The following VPS26C variants were observed in gnomAD, a reference collection of about 807,000 sequenced individuals.
VPS26C encodes VPS26 endosomal protein sorting factor C, also known as vacuolar protein sorting-associated protein 26C.
A neutral mutation model predicts 30.6 loss-of-function variants in VPS26C; 19 were observed. The observed-to-expected ratio is 0.62, with a 90% confidence interval of 0.43 to 0.91. The LOEUF is 0.91. Among genes scored for constraint, VPS26C ranks in the 40% least tolerant of loss-of-function variants. VPS26C has a pLI of 0.00. For missense variants in VPS26C, 318 were observed against 385.1 expected (o/e 0.83, Z 1.46); for synonymous variants, 132 against 151.5 (o/e 0.87, Z 0.95).
At chr21:37,244,975 C>A (rs1303276680) in intron 1 of VPS26C, among the ~76,000 whole-genome samples, 2 of 152,198 alleles carry the variant, frequency 1.3e-5, no homozygotes, top group African/African-American at 2.4e-5. Flanking sequence ...CTGCAAGGTG[C>A]AAACGCCCTG....
intron 1 of VPS26C, among the ~76,000 whole-genome samples, chr21:37,252,826 GCT>G (rs2086207092): frequency 2.0e-5 from 3 of 152,104 alleles, no homozygotes; most frequent in African/African-American, 7.2e-5. Context: ...AGATTCAAAG[GCT>G]ACAAAGCACA....
chr21:37,256,997 T>C (rs1452315427), intron 1 of VPS26C, among the ~76,000 whole-genome samples: 1 of 152,024 alleles, frequency 6.6e-6, no homozygotes, highest in Non-Finnish European at 1.5e-5. Context: ...CCAAGCGTGG[T>C]AGCACGCACC....
chr21:37,223,724 C>T lies in VPS26C; in HGVS notation c.*1820G>A, dbSNP rs1481773193. ...TTTTATTAATTTCATGGGTGAAGCC[C>T]CTGGATAAAGCAGTGCCTAAATCAG... On this transcript the variant is annotated 3_prime_UTR_variant, in exon 8 of 8. Transcript: ENST00000309117. 2 of 152,204 alleles carry T rather than the reference C, an allele frequency of 1.3e-5. No homozygotes were observed. Among genetic ancestry groups the T allele is most frequent in the African/African-American group, 4.8e-5 (2 of 41,450 alleles). The allele number at this position is 152,204 out of a possible 1,614,324, so 9.4% of individuals were successfully genotyped here.
upstream of VPS26C, chr21:37,267,876 C>G (rs1022305173): frequency 1.3e-5 from 2 of 153,906 alleles, no homozygotes; most frequent in African/African-American, 4.8e-5. Context: ...AGCCGGCGCC[C>G]CCTTGTCTGT....
Position 37,226,137 on chromosome 21 carries a change from ATTCCT to A in VPS26C, c.812-516_812-512del. On this transcript the variant is annotated intron_variant, in intron 7 of 7. Transcript: ENST00000309117. The surrounding 1 kb of genome is among the most constrained non-coding windows in gnomAD (Gnocchi z 4.1). ...CATCCATCACCTTTCAGCAAACAGG[ATTCCT>A]TCTCCACCGACTCTTCAGCTGATAT... 1.9e-5 allele frequency: 3 copies of A among 157,168 alleles called. No homozygotes were observed. The highest frequency in any genetic ancestry group is 2.8e-5 in the Non-Finnish European group (2 of 70,574). 9.7% of individuals were successfully genotyped at this position (157,168 alleles called of 1,614,324 possible). A position where few individuals can be genotyped will look rare whatever the true frequency, so the allele number is the denominator to read the frequency against.
At chr21:37,263,134 A>G (rs1287459379) in intron 1 of VPS26C, among the ~76,000 whole-genome samples, 1 of 152,052 alleles carries the variant, frequency 6.6e-6, no homozygotes, top group Non-Finnish European at 1.5e-5. Flanking sequence ...TCATTTTGTC[A>G]GTGAGTATTT....
At chr21:37,228,531 G>A (rs575679174) in intron 5 of VPS26C, 158 bp from the exon 6 acceptor site, 43 of 703,262 alleles carry the variant, frequency 6.1e-5, no homozygotes, top group East Asian at 2.8e-4. Context: ...AAGTACTGAC[G>A]TCTTGGACAT....
At chr21:37,265,987 G>A (rs537382735) in intron 1 of VPS26C, among the ~76,000 whole-genome samples, 1 of 133,806 alleles carries the variant, frequency 7.5e-6, no homozygotes, top group Non-Finnish European at 1.5e-5. Flanking sequence ...GCACAATCTC[G>A]TCTCACTGCA....
intron 2 of VPS26C, among the ~76,000 whole-genome samples, chr21:37,240,074 A>G (rs952185953): frequency 5.3e-5 from 8 of 152,220 alleles, no homozygotes; most frequent in African/African-American, 1.9e-4. Flanking sequence ...CCCTTGCAAA[A>G]TAACAACAGA....
At position 37,240,527 on chromosome 21, in the gene VPS26C, C is replaced by A; in HGVS notation, c.170G>T (p.Gly57Val). The A allele has an allele frequency of 6.2e-7, 1 of 1,614,186 alleles. No homozygotes were observed. Residue 57 changes from glycine to valine, a missense_variant, in exon 2 of 8, where the codon GGT (glycine) becomes GTT (valine). By Grantham distance (109) the Gly-to-Val change is moderately radical. Transcript: ENST00000309117. ...AGAATTATAAAAAGCTTCAAACACA[C>A]CCACACTTTTGGCACTGAGCTGGAG... is the stretch of plus-strand genomic sequence containing the variant. The part of the protein sequence containing the change: ...VNLQLSAKSV[G>V]VFEAFYNSVK...
intron 5 of VPS26C, chr21:37,229,597 G>A (rs1030700068): frequency 6.6e-6 from 1 of 152,220 alleles, no homozygotes; most frequent in African/African-American, 2.4e-5. Context: ...TATATCAAAA[G>A]TGTTATCACT....
At chr21:37,262,663 G>C (rs2086316755) in intron 1 of VPS26C, among the ~76,000 whole-genome samples, 1 of 152,170 alleles carries the variant, frequency 6.6e-6, no homozygotes, top group Non-Finnish European at 1.5e-5. Flanking sequence ...ACGTGTGTCT[G>C]GAACACTACA....
rs1223031056 is a variant in VPS26C at position 37,257,599 on chromosome 21, G to C, written c.57+9639C>G. Reference sequence around the variant, plus strand: ...GGAACGCGTGAAATGGGGAGTGTTAGGGCGTCACAAACTCCAGTGTGGTTG... The same window carrying C: ...GGAACGCGTGAAATGGGGAGTGTTACGGCGTCACAAACTCCAGTGTGGTTG... On this transcript the variant is annotated intron_variant, in intron 1 of 7. Coordinates refer to ENST00000309117, the MANE Select transcript of VPS26C (RefSeq NM_006052.2). This position sits in a 1 kb window ranked among gnomAD's most constrained non-coding sequence, Gnocchi z 4.2. Among the ~76,000 whole-genome samples the C allele has an allele frequency of 6.6e-6, 1 of 152,210 alleles. No individual in the cohort carries two copies. The highest frequency in any genetic ancestry group is 2.4e-5 in the African/African-American group (1 of 41,458).
In VPS26C at chr21:37,235,879, A is replaced by ATTT. The variant is rs1248919097; in HGVS notation, c.352-2440_352-2438dup. 2.4e-3 allele frequency among the ~76,000 whole-genome samples: 268 copies of ATTT among 111,284 alleles called. 3 individuals carry two copies. Among genetic ancestry groups the ATTT allele is most frequent in the African/African-American group, 8.4e-3 (247 of 29,246 alleles). 73.0% of individuals were successfully genotyped at this position (111,284 alleles called of 152,430 possible). On this transcript the variant is annotated intron_variant, in intron 3 of 7. Coordinates refer to ENST00000309117, the MANE Select transcript of VPS26C (RefSeq NM_006052.2). ...TATATATATATATATATATATATAT[A>ATTT]TTTTTTTTTTTAATTAAAAAATTTT...
chr21:37,250,700 G>A (rs535650831), intron 1 of VPS26C, among the ~76,000 whole-genome samples: 26 of 152,220 alleles, frequency 1.7e-4, no homozygotes, highest in Non-Finnish European at 3.7e-4. Flanking sequence ...AGGAGTTCAA[G>A]ACCAGCCTGG....
At chr21:37,247,134 C>T (rs1379452657) in intron 1 of VPS26C, among the ~76,000 whole-genome samples, 2 of 152,148 alleles carry the variant, frequency 1.3e-5, no homozygotes, top group Non-Finnish European at 2.9e-5. Context: ...AATTCAGGAC[C>T]TTCCATTTCA....
In VPS26C at chr21:37,224,662, A is replaced by C. The variant is rs996933952; in HGVS notation, c.*882T>G. The C allele has an allele frequency of 6.6e-6, 1 of 152,028 alleles. No individual in the cohort carries two copies. The highest frequency in any genetic ancestry group is 1.9e-4 in the East Asian group (1 of 5,154). The allele number at this position is 152,028 out of a possible 1,614,324, so 9.4% of individuals were successfully genotyped here. A position where few individuals can be genotyped will look rare whatever the true frequency, so the allele number is the denominator to read the frequency against. ...GAACACTTTTCCAGTTGCTTAAAAA[A>C]TTTAAAGTTATAATGAAAAATGTTG... On this transcript the variant is annotated 3_prime_UTR_variant, in exon 8 of 8. Transcript: ENST00000309117.
At position 37,226,220 on chromosome 21, in the gene VPS26C, TGAC is replaced by T. The variant is rs2085897612; in HGVS notation, c.812-597_812-595del. Reference sequence around the variant, plus strand: ...GGGATGTGTGTGAAGAGGAAGCACCTGACGACAAACAAGCACCATCTCCTTCCC... The same window carrying T: ...GGGATGTGTGTGAAGAGGAAGCACCTGACAAACAAGCACCATCTCCTTCCC... On this transcript the variant is annotated intron_variant, in intron 7 of 7. Transcript: ENST00000309117. This position sits in a 1 kb window ranked among gnomAD's most constrained non-coding sequence, Gnocchi z 4.1. The T allele has an allele frequency of 6.5e-6, 1 of 153,818 alleles. No homozygotes were observed. The highest frequency in any genetic ancestry group is 1.4e-5 in the Non-Finnish European group (1 of 69,032). The allele number at this position is 153,818 out of a possible 1,614,324, so 9.5% of individuals were successfully genotyped here.
intron 1 of VPS26C, among the ~76,000 whole-genome samples, chr21:37,263,252 C>G (rs1419681363): frequency 6.6e-6 from 1 of 152,080 alleles, no homozygotes; most frequent in Non-Finnish European, 1.5e-5. Flanking sequence ...TACTGAAAAG[C>G]ACAATAACAG....
Sources: allele counts gnomAD v4.1 joint callset (sites outside exome capture counted in the v4.1 genomes callset), GRCh38; gene constraint gnomAD v4.1.1; non-coding constraint Gnocchi (gnomAD v3.1); transcripts MANE v1.5; gene names NCBI Gene and HGNC (gene_info 2026-07-23, HGNC 2026-07-21).